Variants in CACNA2D1 observed in about 807,000 individuals in gnomAD.
CACNA2D1 encodes calcium voltage-gated channel auxiliary subunit alpha2delta 1.
In CACNA2D1, 53 loss-of-function variants were observed where a neutral mutation model predicts 171.5. That is an observed-to-expected ratio of 0.31 (90% CI 0.25 to 0.39). The LOEUF is 0.39. CACNA2D1 is among the 10% of genes least tolerant of loss of function. The pLI is 1.00. For synonymous variants in CACNA2D1, 442 were observed against 443.1 expected (o/e 1.00, Z 0.03); for missense variants, 903 against 1,299.8 (o/e 0.69, Z 4.69).
In CACNA2D1 at chr7:82,426,162, AATAAATAAATAAATAAATAC is replaced by A. The variant is rs1342239338; in HGVS notation, c.95+17183_95+17202del. Among the ~76,000 whole-genome samples the A allele has an allele frequency of 4.0e-3, 541 of 135,258 alleles. 2 individuals are homozygous for A. The highest frequency in any genetic ancestry group is 0.016 in the African/African-American group (514 of 32,862). 88.7% of individuals were successfully genotyped at this position (135,258 alleles called of 152,430 possible). ...ATATAAATAAATAAATAAATAAATA[AATAAATAAATAAATAAATAC>A]ATAAATTCTATTTGGTTTGTTTAGA... On this transcript the variant is annotated intron_variant, in intron 1 of 38. Transcript: ENST00000356860.
chr7:82,184,623 G>A (rs2129174999), intron 3 of CACNA2D1, among the ~76,000 whole-genome samples: 1 of 152,084 alleles, frequency 6.6e-6, no homozygotes, highest in African/African-American at 2.4e-5. Context: ...TAGATATAAA[G>A]CTTCTAAGCA....
chr7:81,960,512 C>T (rs965055615), intron 36 of CACNA2D1, among the ~76,000 whole-genome samples: 3 of 152,134 alleles, frequency 2.0e-5, no homozygotes, highest in South Asian at 2.1e-4. Flanking sequence ...TTTGTCCACA[C>T]CTTAAGCTGC....
At chr7:81,956,274 G>A (rs535242973) in intron 38 of CACNA2D1, among the ~76,000 whole-genome samples, 18 of 151,656 alleles carry the variant, frequency 1.2e-4, no homozygotes, top group East Asian at 9.8e-4. Context: ...GCACCCAGCC[G>A]TTGCTATAAG....
chr7:82,146,268 G>A lies in CACNA2D1; in HGVS notation c.355-9592C>T, dbSNP rs574761954. On this transcript the variant is annotated intron_variant, in intron 4 of 38. Coordinates refer to ENST00000356860, the MANE Select transcript of CACNA2D1 (RefSeq NM_000722.4). ...CCTAGAAGAAAGAAACATTCATGACGTTCACTAAAAGGAACTGCTCATTTC... is the reference window on the plus strand; with the variant it reads ...CCTAGAAGAAAGAAACATTCATGACATTCACTAAAAGGAACTGCTCATTTC... Among the ~76,000 whole-genome samples the A allele has an allele frequency of 3.0e-4, 46 of 151,004 alleles. 1 individual carries two copies. Among genetic ancestry groups the A allele is most frequent in the Middle Eastern group, 3.4e-3 (1 of 292 alleles).
At chr7:82,046,855 T>C (rs549132379) in intron 10 of CACNA2D1, among the ~76,000 whole-genome samples, 20 of 152,318 alleles carry the variant, frequency 1.3e-4, no homozygotes, top group African/African-American at 4.8e-4. Flanking sequence ...ACTCAAATCA[T>C]GATGTAACCT....
At chr7:82,206,278 A>G (rs1260246512) in intron 3 of CACNA2D1, among the ~76,000 whole-genome samples, 1 of 152,054 alleles carries the variant, frequency 6.6e-6, no homozygotes, top group Admixed American at 6.6e-5. Context: ...TGTTGTTTAA[A>G]GGCTATATTT....
chr7:82,342,342 T>C (rs1362851536), intron 2 of CACNA2D1, among the ~76,000 whole-genome samples: 1 of 152,174 alleles, frequency 6.6e-6, no homozygotes, highest in Non-Finnish European at 1.5e-5. Flanking sequence ...TGTTCACTGG[T>C]ACGTAACCAG....
intron 3 of CACNA2D1, among the ~76,000 whole-genome samples, chr7:82,201,857 T>C (rs567438934): frequency 4.6e-5 from 7 of 152,350 alleles, no homozygotes; most frequent in Admixed American, 1.3e-4. Context: ...AAGCTTGTTC[T>C]TGCTTAGCTC....
chr7:82,266,610 G>A (rs759453849), intron 3 of CACNA2D1, among the ~76,000 whole-genome samples: 3 of 151,140 alleles, frequency 2.0e-5, no homozygotes, highest in African/African-American at 4.9e-5. Context: ...TCCGCCTCCC[G>A]GTTTCAAGCT....
intron 3 of CACNA2D1, among the ~76,000 whole-genome samples, chr7:82,265,272 C>A (rs28628101): frequency 6.6e-6 from 1 of 152,160 alleles, no homozygotes; most frequent in African/African-American, 2.4e-5. Context: ...AGCACTATTT[C>A]TCAGATTGAA....
intron 20 of CACNA2D1, among the ~76,000 whole-genome samples, chr7:81,992,156 T>C (rs1254636210): frequency 6.6e-6 from 1 of 152,018 alleles, no homozygotes; most frequent in Non-Finnish European, 1.5e-5. Context: ...GGCACATGTA[T>C]AATTTTTAAT....
intron 11 of CACNA2D1, 70 bp from the exon 12 acceptor site, chr7:82,032,971 G>T: frequency 1.2e-6 from 1 of 869,196 alleles, no homozygotes; most frequent in Non-Finnish European, 1.9e-6. Flanking sequence ...AAAGCTATAT[G>T]GAACGAGCAT....
At chr7:82,233,604 T>C (rs373080890) in intron 3 of CACNA2D1, among the ~76,000 whole-genome samples, 2 of 152,096 alleles carry the variant, frequency 1.3e-5, no homozygotes, top group African/African-American at 4.8e-5. Flanking sequence ...CAGATGAAAA[T>C]AGTAATATCA....
At chr7:81,998,472 T>C (rs1449241004) in intron 18 of CACNA2D1, among the ~76,000 whole-genome samples, 1 of 152,050 alleles carries the variant, frequency 6.6e-6, no homozygotes, top group East Asian at 1.9e-4. Context: ...AAATTAAGCA[T>C]ATCTTATCAA....
chr7:82,435,723 A>G (rs1830066077), intron 1 of CACNA2D1, among the ~76,000 whole-genome samples: 1 of 152,088 alleles, frequency 6.6e-6, no homozygotes, highest in Non-Finnish European at 1.5e-5. Flanking sequence ...TCTTCTACAT[A>G]TTATGATTCA....
At chr7:82,291,093 A>C (rs1244200962) in intron 3 of CACNA2D1, among the ~76,000 whole-genome samples, 6 of 145,508 alleles carry the variant, frequency 4.1e-5, no homozygotes, top group African/African-American at 1.0e-4. Context: ...CTCCCACCTC[A>C]TCCTCCAAAC....
chr7:82,190,765 A>G (rs1405207219), intron 3 of CACNA2D1, among the ~76,000 whole-genome samples: 1 of 151,690 alleles, frequency 6.6e-6, no homozygotes, highest in Non-Finnish European at 1.5e-5. Context: ...ATATATTGTT[A>G]GAGACTGGAA....
chr7:82,053,129 G>A (rs1203774703), intron 10 of CACNA2D1, among the ~76,000 whole-genome samples: 1 of 151,720 alleles, frequency 6.6e-6, no homozygotes, highest in Non-Finnish European at 1.5e-5. Context: ...GCGGGTGCCT[G>A]TATTCCCAGC....
At chr7:82,376,702 C>T (rs545109102) in intron 1 of CACNA2D1, among the ~76,000 whole-genome samples, 1 of 152,086 alleles carries the variant, frequency 6.6e-6, no homozygotes, top group Non-Finnish European at 1.5e-5. Context: ...TTAAATTTTC[C>T]CTTGCTACTA....
Sources: gnomAD v4.1 joint callset for allele counts (sites outside exome capture counted in the v4.1 genomes callset) on GRCh38, gnomAD v4.1.1 for gene constraint, MANE v1.5 for transcripts, NCBI Gene and HGNC (gene_info 2026-07-23, HGNC 2026-07-21) for gene names.